ROBO2: variants seen among roughly 807,000 people sequenced by gnomAD.
ROBO2 encodes the protein roundabout guidance receptor 2.
In ROBO2, 53 loss-of-function variants were observed where a neutral mutation model predicts 160.8. The observed-to-expected ratio is 0.33, with a 90% confidence interval of 0.26 to 0.41. The LOEUF (loss-of-function observed/expected upper bound fraction) is 0.41. Ranked by LOEUF, ROBO2 falls within the 10% of genes least tolerant of loss-of-function variation. The pLI is 1.00. For synonymous variants in ROBO2, 664 were observed against 611.7 expected, an observed-to-expected ratio of 1.09 and a Z score of -1.26; for missense variants, 1,577 against 1,722.4, an observed-to-expected ratio of 0.92 and a Z score of 1.49.
intron 2 of ROBO2, among the ~76,000 whole-genome samples, chr3:76,112,623 A>T (rs1301825248): frequency 6.6e-6 from 1 of 152,080 alleles, no homozygotes; most frequent in Non-Finnish European, 1.5e-5. Context: ...TTCAGAAGAA[A>T]TCTTCACTGT....
At chr3:77,295,305 T>C (rs181555148) in intron 2 of ROBO2, among the ~76,000 whole-genome samples, 1 of 145,708 alleles carries the variant, frequency 6.9e-6, no homozygotes, top group African/African-American at 2.6e-5. Context: ...TTAAGTAAAA[T>C]TGACGGCTAA....
At chr3:76,208,599 C>T (rs1258672703) in intron 2 of ROBO2, among the ~76,000 whole-genome samples, 2 of 152,094 alleles carry the variant, frequency 1.3e-5, no homozygotes, top group Admixed American at 1.3e-4. Flanking sequence ...GCTAAAGTAA[C>T]TCCATCTGAG....
intron 2 of ROBO2, among the ~76,000 whole-genome samples, chr3:77,367,756 C>T (rs1030884095): frequency 1.3e-5 from 2 of 152,054 alleles, no homozygotes; most frequent in Admixed American, 6.6e-5. Context: ...TCTGTTTATC[C>T]TCTCCATGGG....
At chr3:76,327,193 A>G (rs889176675) in intron 2 of ROBO2, among the ~76,000 whole-genome samples, 1 of 152,140 alleles carries the variant, frequency 6.6e-6, no homozygotes, top group Non-Finnish European at 1.5e-5. Context: ...TAAATGACTA[A>G]TGTGCTTTCA....
chr3:76,053,826 T>A (rs1195282500), intron 2 of ROBO2, among the ~76,000 whole-genome samples: 1 of 152,094 alleles, frequency 6.6e-6, no homozygotes, highest in Admixed American at 6.6e-5. Flanking sequence ...AAATGAACTC[T>A]TGTTGATGTA....
intron 2 of ROBO2, among the ~76,000 whole-genome samples, chr3:76,629,555 C>A (rs916959062): frequency 9.2e-5 from 14 of 152,134 alleles, no homozygotes; most frequent in African/African-American, 3.4e-4. Context: ...TGTTCTTCTG[C>A]CTGCTTTTAT....
intron 2 of ROBO2, among the ~76,000 whole-genome samples, chr3:76,500,702 A>G (rs1447039423): frequency 6.6e-6 from 1 of 152,232 alleles, no homozygotes; most frequent in African/African-American, 2.4e-5. Flanking sequence ...TCTATGAGAT[A>G]AAAGTTAATT....
chr3:77,363,279 G>A (rs913543265), intron 2 of ROBO2, among the ~76,000 whole-genome samples: 2 of 152,138 alleles, frequency 1.3e-5, no homozygotes, highest in African/African-American at 4.8e-5. Flanking sequence ...GATGAATCTA[G>A]CTGCTCAAAA....
At position 77,568,829 on chromosome 3, in the gene ROBO2, C is replaced by A. The variant is rs142317161; in HGVS notation, c.1971+395C>A. On this transcript the variant is annotated intron_variant, in intron 13 of 25. Transcript: ENST00000461745. ...GATTCTCTCATTTCCCCTACCGTAG[C>A]CCTGTGTAACACTAATCTACTCTAT... 1.8e-3 allele frequency among the ~76,000 whole-genome samples: 274 copies of A among 152,102 alleles called. 1 individual carries two copies. Among genetic ancestry groups the A allele is most frequent in the African/African-American group, 6.2e-3 (257 of 41,532 alleles).
At chr3:76,022,910 G>A (rs1297578910) in intron 2 of ROBO2, among the ~76,000 whole-genome samples, 3 of 151,678 alleles carry the variant, frequency 2.0e-5, no homozygotes, top group Non-Finnish European at 3.0e-5. Flanking sequence ...TTCAATATAA[G>A]TCTGTTTCAT....
intron 2 of ROBO2, among the ~76,000 whole-genome samples, chr3:77,235,355 A>ATTTTTTT: frequency 7.0e-6 from 1 of 143,740 alleles, no homozygotes; most frequent in Non-Finnish European, 1.5e-5. Context: ...AGAGGAGAAT[A>ATTTTTTT]TTTTTTTTTT....
chr3:76,330,559 T>C (rs1259562338), intron 2 of ROBO2, among the ~76,000 whole-genome samples: 1 of 152,232 alleles, frequency 6.6e-6, no homozygotes, highest in East Asian at 1.9e-4. Flanking sequence ...ATGGACATTT[T>C]AAAGTTTTAG....
intron 4 of ROBO2, among the ~76,000 whole-genome samples, chr3:77,483,222 G>A (rs78021795): frequency 0.018 from 2,735 of 152,088 alleles, 79 homozygotes; most frequent in African/African-American, 0.06. Flanking sequence ...GGAAAAACTA[G>A]CTTTCCATTA....
At chr3:76,056,016 A>G (rs912923902) in intron 2 of ROBO2, among the ~76,000 whole-genome samples, 1 of 152,222 alleles carries the variant, frequency 6.6e-6, no homozygotes. Flanking sequence ...TTAAAAATAC[A>G]TCCTCTGGTT....
At position 77,419,254 on chromosome 3, in the gene ROBO2, T is replaced by C. The variant is rs533952935; in HGVS notation, c.389-58160T>C. Among the ~76,000 whole-genome samples the C allele has an allele frequency of 2.3e-3, 347 of 152,188 alleles. 3 individuals carry two copies. The highest frequency in any genetic ancestry group is 7.9e-3 in the African/African-American group (327 of 41,534). On this transcript the variant is annotated intron_variant, in intron 2 of 25. Transcript: ENST00000461745. ...CACAGAGATACATTGACCTATCTAA[T>C]AGAATAATAATAAATGTTATTAGCA... is the stretch of plus-strand genomic sequence containing the variant.
intron 2 of ROBO2, among the ~76,000 whole-genome samples, chr3:77,102,303 C>T (rs750978365): frequency 7.4e-5 from 11 of 147,888 alleles, no homozygotes; most frequent in East Asian, 2.1e-4. Context: ...GTGTGTGTTG[C>T]GTGGGTGGGT....
At chr3:76,676,076 T>G (rs1409514729) in intron 2 of ROBO2, among the ~76,000 whole-genome samples, 7 of 152,138 alleles carry the variant, frequency 4.6e-5, no homozygotes, top group African/African-American at 1.7e-4. Context: ...AAAGCAAACA[T>G]GTAGGTTGTA....
intron 2 of ROBO2, among the ~76,000 whole-genome samples, chr3:76,554,679 C>T (rs1177218419): frequency 2.0e-5 from 3 of 151,930 alleles, no homozygotes; most frequent in African/African-American, 7.3e-5. Context: ...GAAATAGGAT[C>T]GACAACCATG....
chr3:77,581,580 C>A (rs2093920236), intron 16 of ROBO2, among the ~76,000 whole-genome samples: 1 of 151,990 alleles, frequency 6.6e-6, no homozygotes, highest in Admixed American at 6.6e-5. Context: ...TTCCAGATAT[C>A]TTTTTGTTTC....
Sources: allele counts gnomAD v4.1 joint callset (sites outside exome capture counted in the v4.1 genomes callset), GRCh38; gene constraint gnomAD v4.1.1; transcripts MANE v1.5; gene names NCBI Gene and HGNC (gene_info 2026-07-23, HGNC 2026-07-21).